The following LRCOL1 variants were observed in gnomAD, a reference collection of about 807,000 sequenced individuals.
The protein encoded by LRCOL1 is leucine rich colipase like 1, also known as leucine-rich colipase-like protein 1.
Under a neutral mutation model 21.6 loss-of-function variants are expected in LRCOL1, and 21 were observed. That is an observed-to-expected ratio of 0.97 (90% CI 0.69 to 1.40). The LOEUF is 1.40. Among genes scored for constraint, LRCOL1 ranks in the 40% most tolerant of loss-of-function variants. The probability of loss-of-function intolerance (pLI) is 0.00; values close to 1 mark genes in which losing one functional copy is unlikely to be tolerated. For missense variants in LRCOL1, 198 were observed against 202.3 expected (o/e 0.98, Z 0.13); for synonymous variants, 98 against 90.1 (o/e 1.09, Z -0.49).
At chr12:132,609,947 T>C (rs771589256) in intron 1 of LRCOL1, among the ~76,000 whole-genome samples, 3 of 152,250 alleles carry the variant, frequency 2.0e-5, no homozygotes, top group Non-Finnish European at 2.9e-5. Flanking sequence ...AGTAGTTCAA[T>C]CAGCTAAGTA....
chr12:132,607,653 TTCTGTC>T (rs1427374145), intron 1 of LRCOL1, among the ~76,000 whole-genome samples: 1 of 140,324 alleles, frequency 7.1e-6, no homozygotes, highest in Non-Finnish European at 1.5e-5. Context: ...CTCTGTCTCT[TTCTGTC>T]TCTGTCTCTT....
At chr12:132,610,113 C>T (rs1486240954) in intron 1 of LRCOL1, among the ~76,000 whole-genome samples, 2 of 152,184 alleles carry the variant, frequency 1.3e-5, no homozygotes, top group Admixed American at 6.5e-5. Flanking sequence ...AGGGCAGGGC[C>T]GGGCACCTGG....
In LRCOL1 at chr12:132,604,838, C is replaced by A; in HGVS notation, c.106-7G>T. On this transcript the variant is annotated splice_region_variant and splice_polypyrimidine_tract_variant and intron_variant, in intron 2 of 5. Coordinates refer to ENST00000376608, the MANE Select transcript of LRCOL1 (RefSeq NM_001195520.2). ...TGCATGGCTCCCCGATGCCCTGAAA[C>A]ACCACTCACCAGCTCGCTCACCTGT... 1 of 1,535,670 alleles carries A rather than the reference C, an allele frequency of 6.5e-7. No individual in the cohort carries two copies. The highest frequency in any genetic ancestry group is 8.7e-7 in the Non-Finnish European group (1 of 1,146,574).
chr12:132,604,469 C>T lies in LRCOL1; in HGVS notation c.347G>A (p.Trp116Ter). ...CGGGTGCCCGCAGCTCACCTTGCGC[C>T]AGGGCACACACTGCAGGAAGACGCT... ...PQSVFLQCVP[W>*]RKPNGDFCSS... is the part of the protein sequence containing the mutation. The change falls in exon 4 of 6, where the codon TGG becomes TAG. Residue 116 changes from tryptophan to a stop codon, truncating the protein, a stop_gained. Coordinates refer to ENST00000376608, the MANE Select transcript of LRCOL1 (RefSeq NM_001195520.2). LOFTEE classifies it high-confidence loss of function. The T allele has an allele frequency of 6.5e-7, 1 of 1,535,500 alleles. No homozygotes were observed. Among genetic ancestry groups the T allele is most frequent in the Non-Finnish European group, 8.7e-7 (1 of 1,146,382 alleles).
At chr12:132,604,619 C>A (rs1005661478) in intron 3 of LRCOL1, 35 bp from the exon 4 acceptor site, 1 of 1,526,088 alleles carries the variant, frequency 6.6e-7, no homozygotes, top group Admixed American at 2.0e-5. Flanking sequence ...CCTGCACCCA[C>A]CATCCACTCC....
In LRCOL1 at chr12:132,606,870, T is replaced by C. The variant is rs1168303123; in HGVS notation, c.-13-606A>G. Among the ~76,000 whole-genome samples the C allele has an allele frequency of 1.5e-5, 2 of 134,596 alleles. No homozygotes were observed. Among genetic ancestry groups the C allele is most frequent in the African/African-American group, 2.5e-5 (1 of 40,280 alleles). 88.3% of individuals were successfully genotyped at this position (134,596 alleles called of 152,430 possible). A position where few individuals can be genotyped will look rare whatever the true frequency, so the allele number is the denominator to read the frequency against. On this transcript the variant is annotated intron_variant, in intron 1 of 5. Coordinates refer to ENST00000376608, the MANE Select transcript of LRCOL1 (RefSeq NM_001195520.2). The surrounding 1 kb of genome is among the most constrained non-coding windows in gnomAD (Gnocchi z 4.6). ...TTTTCGTGGCATAATGACTCATTTC[T>C]TTTTAGCACTGCATGGAAAATGGAT... is the stretch of plus-strand genomic sequence containing the variant.
intron 1 of LRCOL1, among the ~76,000 whole-genome samples, chr12:132,607,075 A>G (rs1258085175): frequency 6.6e-6 from 1 of 152,196 alleles, no homozygotes. Context: ...CAGTGCGGGC[A>G]TCAGATGAAG....
intron 4 of LRCOL1, 34 bp from the exon 5 acceptor site, chr12:132,604,410 G>C: frequency 6.5e-7 from 1 of 1,533,952 alleles, no homozygotes; most frequent in Non-Finnish European, 8.7e-7. Flanking sequence ...TCGTGGAGAG[G>C]GGCTGTCTCC....
intron 1 of LRCOL1, among the ~76,000 whole-genome samples, chr12:132,607,053 C>T (rs1165465687): frequency 6.6e-6 from 1 of 152,192 alleles, no homozygotes; most frequent in Non-Finnish European, 1.5e-5. Flanking sequence ...CCCTTGCTGC[C>T]CAGCCCCGCA....
At chr12:132,608,129 A>G (rs1020744521) in intron 1 of LRCOL1, among the ~76,000 whole-genome samples, 37 of 152,174 alleles carry the variant, frequency 2.4e-4, no homozygotes, top group African/African-American at 8.9e-4. Context: ...GCCACAACCT[A>G]TAGCCACCTG....
At chr12:132,607,042 G>A (rs543994652) in intron 1 of LRCOL1, among the ~76,000 whole-genome samples, 4 of 152,340 alleles carry the variant, frequency 2.6e-5, no homozygotes, top group Admixed American at 2.6e-4. Flanking sequence ...TCCTGGAGGG[G>A]CCCTTGCTGC....
At chr12:132,603,789 AG>A in intron 5 of LRCOL1, 3 of 985,350 alleles carry the variant, frequency 3.0e-6, no homozygotes, top group Non-Finnish European at 3.6e-6. Context: ...CCCTGGCCCC[AG>A]GGCTCAGCAG....
chr12:132,605,968 A>C, intron 2 of LRCOL1, 179 bp downstream of exon 2: 1 of 618,776 alleles, frequency 1.6e-6, no homozygotes, highest in South Asian at 2.0e-5. Flanking sequence ...TGGCCAGGAG[A>C]GCGAGTGCAG....
chr12:132,607,967 CTCTT>C (rs2041333809), intron 1 of LRCOL1, among the ~76,000 whole-genome samples: 2 of 151,806 alleles, frequency 1.3e-5, no homozygotes, highest in East Asian at 3.9e-4. Flanking sequence ...CTCTCTCTGT[CTCTT>C]TCTGTCTCCC....
At chr12:132,608,025 C>CTCTCTG (rs1261809721) in intron 1 of LRCOL1, among the ~76,000 whole-genome samples, 1 of 152,138 alleles carries the variant, frequency 6.6e-6, no homozygotes, top group Non-Finnish European at 1.5e-5. Flanking sequence ...GTCTCTGTCT[C>CTCTCTG]TCTCTGTCTC....
rs781627567 is a variant in LRCOL1 at position 132,606,246 on chromosome 12, G to A, written c.6C>T (p.Ala2=). 1.1e-4 allele frequency: 163 copies of A among 1,536,212 alleles called. No individual in the cohort carries two copies. The highest frequency in any genetic ancestry group is 1.7e-4 in the Middle Eastern group (1 of 5,974). M[A]GPGWTLLLLL... is the part of the protein sequence containing the mutation. ...GTAGCAGCAGCGTCCACCCCGGGCC[G>A]GCCATCGGGTGTGTGGACCTGCAGA... The change falls in exon 2 of 6, where the codon GCC becomes GCT. Residue 2 remains alanine (A), a synonymous_variant. Coordinates refer to ENST00000376608, the MANE Select transcript of LRCOL1 (RefSeq NM_001195520.2). This position sits in a 1 kb window ranked among gnomAD's most constrained non-coding sequence, Gnocchi z 4.6.
Position 132,606,017 on chromosome 12 carries a change from C to T in LRCOL1, c.105+130G>A. 1.2e-6 allele frequency: 1 copy of T among 804,336 alleles called. No individual in the cohort carries two copies. The highest frequency in any genetic ancestry group is 1.9e-6 in the Non-Finnish European group (1 of 516,232). 49.8% of individuals were successfully genotyped at this position (804,336 alleles called of 1,614,324 possible). Reference sequence around the variant, plus strand: ...TTCATCCAGGAAGGCGCTTTGTGTCCCTTTGAGACCCTCCTGACGGAAAGT... The same window carrying T: ...TTCATCCAGGAAGGCGCTTTGTGTCTCTTTGAGACCCTCCTGACGGAAAGT... On this transcript the variant is annotated intron_variant, in intron 2 of 5. Coordinates refer to ENST00000376608, the MANE Select transcript of LRCOL1 (RefSeq NM_001195520.2). This position sits in a 1 kb window ranked among gnomAD's most constrained non-coding sequence, Gnocchi z 4.6.
chr12:132,606,216 C>T lies in LRCOL1; in HGVS notation c.36G>A (p.Leu12=), dbSNP rs1445303564. Residue 12 remains leucine, a synonymous_variant, in exon 2 of 6, where the codon CTG becomes CTA. Transcript: ENST00000376608. The surrounding 1 kb of genome is among the most constrained non-coding windows in gnomAD (Gnocchi z 4.6). ...TGGACCCCAGCAGCAGCAGCAGCAG[C>T]AGCAGTAGCAGCAGCGTCCACCCCG... ...AGPGWTLLLL[L]LLLLLLGSMA... 6.5e-7 allele frequency: 1 copy of T among 1,536,548 alleles called. No individual in the cohort carries two copies. The highest frequency in any genetic ancestry group is 8.7e-7 in the Non-Finnish European group (1 of 1,146,888).
rs2041252763 is a variant in LRCOL1 at position 132,603,474 on chromosome 12, G to A, written c.478-70C>T. 6 of 1,535,612 alleles carry A rather than the reference G, an allele frequency of 3.9e-6. No homozygotes were observed. In the African/African-American group the frequency reaches 8.2e-5, roughly 21 times the overall value. On this transcript the variant is annotated intron_variant, in intron 5 of 5. Transcript: ENST00000376608. ...TCGAAGCGGCCGCGGAAGGAGGACG[G>A]GAACCCGGGGCCACAGCATCTCCCG... is the stretch of plus-strand genomic sequence containing the variant.
Sources: gnomAD v4.1 joint callset for allele counts (sites outside exome capture counted in the v4.1 genomes callset) on GRCh38, gnomAD v4.1.1 for gene constraint, Gnocchi (gnomAD v3.1) non-coding constraint, MANE v1.5 for transcripts, NCBI Gene and HGNC (gene_info 2026-07-23, HGNC 2026-07-21) for gene names.